Variants in ST8SIA4 observed in about 807,000 individuals in gnomAD.
ST8SIA4 encodes CMP-N-acetylneuraminate-poly-alpha-2,8-sialyltransferase.
In ST8SIA4, 15 loss-of-function variants were observed where a neutral mutation model predicts 33.9. That is an observed-to-expected ratio of 0.44 (90% CI 0.30 to 0.68). ST8SIA4 has a LOEUF of 0.68. ST8SIA4 is among the 30% of genes least tolerant of loss of function. The pLI, the probability that ST8SIA4 is intolerant of heterozygous loss-of-function variation, is 0.10. For missense variants in ST8SIA4, 321 were observed against 428.0 expected (o/e 0.75, Z 2.21); for synonymous variants, 171 against 151.2 (o/e 1.13, Z -0.96).
intron 1 of ST8SIA4, among the ~76,000 whole-genome samples, chr5:100,898,736 G>A (rs1417004259): frequency 1.3e-5 from 2 of 152,140 alleles, no homozygotes; most frequent in Non-Finnish European, 2.9e-5. Flanking sequence ...CCATGAATGC[G>A]AAGCTTGAAG....
intron 1 of ST8SIA4, among the ~76,000 whole-genome samples, chr5:100,900,828 G>A (rs919253317): frequency 1.3e-5 from 2 of 152,280 alleles, no homozygotes; most frequent in African/African-American, 2.4e-5. Context: ...CTGCAATAAA[G>A]GTTTCCCCCT....
In ST8SIA4 at chr5:100,886,423, G is replaced by A. The variant is rs1432678303; in HGVS notation, c.423C>T (p.Thr141=). 1.2e-6 allele frequency: 2 copies of A among 1,613,908 alleles called. No homozygotes were observed. The highest frequency in any genetic ancestry group is 1.7e-6 in the Non-Finnish European group (2 of 1,179,854). The stretch of plus-strand genomic sequence containing the variant: ...TGCCAGAATTTCCAACAACTGCACA[G>A]GTCTTAAACCTGCGATTCTTCATTG... ...VSPMKNRRFK[T]CAVVGNSGIL... The change falls in exon 3 of 5, where the codon ACC becomes ACT. Residue 141 remains threonine (T), a synonymous_variant. Transcript: ENST00000231461.
intron 2 of ST8SIA4, among the ~76,000 whole-genome samples, chr5:100,889,327 T>C (rs1213634346): frequency 6.6e-6 from 1 of 151,942 alleles, no homozygotes; most frequent in Non-Finnish European, 1.5e-5. Context: ...ACGGATGTGG[T>C]TAAATCATCA....
chr5:100,829,288 A>T (rs2561524), intron 4 of ST8SIA4, among the ~76,000 whole-genome samples: 137,725 of 152,222 alleles, frequency 0.9, 62,997 homozygotes, highest in Middle Eastern at 0.98. Context: ...GTTTGATCAC[A>T]AAAGATTCTT....
intron 4 of ST8SIA4, among the ~76,000 whole-genome samples, chr5:100,847,523 A>G (rs1357743478): frequency 6.6e-6 from 1 of 152,082 alleles, no homozygotes; most frequent in Non-Finnish European, 1.5e-5. Context: ...ATGAATTTTT[A>G]CATCTGAAAG....
intron 4 of ST8SIA4, among the ~76,000 whole-genome samples, chr5:100,836,149 G>C (rs1200137466): frequency 6.6e-6 from 1 of 152,094 alleles, no homozygotes; most frequent in South Asian, 2.1e-4. Context: ...ATTAATTAGA[G>C]ATAAGCCTTA....
chr5:100,868,747 C>G (rs1313947933), intron 3 of ST8SIA4, among the ~76,000 whole-genome samples: 1 of 152,056 alleles, frequency 6.6e-6, no homozygotes, highest in Non-Finnish European at 1.5e-5. Context: ...CTCTTTTCCT[C>G]AGACACCCTA....
At chr5:100,876,742 T>A (rs1378459666) in intron 3 of ST8SIA4, among the ~76,000 whole-genome samples, 1 of 152,080 alleles carries the variant, frequency 6.6e-6, no homozygotes, top group Non-Finnish European at 1.5e-5. Context: ...ACTCTTATGA[T>A]TATTTTTCTG....
intron 1 of ST8SIA4, chr5:100,900,417 A>G (rs1752879025): frequency 2.2e-6 from 1 of 456,162 alleles, no homozygotes; most frequent in African/African-American, 2.0e-5. Context: ...AAGACAGTCA[A>G]TGAGATGATT....
chr5:100,822,329 T>G (rs1215698230), intron 4 of ST8SIA4, among the ~76,000 whole-genome samples: 1 of 152,216 alleles, frequency 6.6e-6, no homozygotes, highest in African/African-American at 2.4e-5. Flanking sequence ...TATAAAATGG[T>G]TGCCGAATCA....
rs936832944 is a variant in ST8SIA4 at position 100,885,590 on chromosome 5, T to C, written c.503+753A>G. 7.5e-6 allele frequency: 7 copies of C among 933,876 alleles called. No individual in the cohort carries two copies. In the African/African-American group the frequency reaches 1.2e-4, roughly 17 times the overall value. 57.8% of individuals were successfully genotyped at this position (933,876 alleles called of 1,614,324 possible). A position where few individuals can be genotyped will look rare whatever the true frequency, so the allele number is the denominator to read the frequency against. ...TTTCAATATCCATGTTTCTGTCATT[T>C]AGCTAATTTTTCTAAGGAACTAAAA... On this transcript the variant is annotated intron_variant, in intron 3 of 4. Transcript: ENST00000231461.
At chr5:100,880,490 G>C (rs745388716) in intron 3 of ST8SIA4, among the ~76,000 whole-genome samples, 1 of 152,174 alleles carries the variant, frequency 6.6e-6, no homozygotes, top group Non-Finnish European at 1.5e-5. Flanking sequence ...CAGGGAAAAT[G>C]ACTGGCAGGC....
chr5:100,853,264 TTACA>T (rs1751742217), intron 4 of ST8SIA4, among the ~76,000 whole-genome samples: 1 of 152,218 alleles, frequency 6.6e-6, no homozygotes, highest in Non-Finnish European at 1.5e-5. Context: ...AAACGCTATC[TTACA>T]TACATCAATG....
intron 4 of ST8SIA4, among the ~76,000 whole-genome samples, chr5:100,832,875 A>G (rs1052682974): frequency 3.3e-5 from 5 of 151,884 alleles, no homozygotes; most frequent in Non-Finnish European, 7.4e-5. Context: ...CTACTCTACC[A>G]CCTTCCGTTA....
chr5:100,896,212 C>T (rs1435471144), intron 1 of ST8SIA4, among the ~76,000 whole-genome samples: 1 of 151,974 alleles, frequency 6.6e-6, no homozygotes, highest in Admixed American at 6.6e-5. Context: ...TGTCCATTAA[C>T]AGAGGAATAG....
chr5:100,860,989 T>C (rs1751926727), intron 3 of ST8SIA4, among the ~76,000 whole-genome samples: 1 of 152,164 alleles, frequency 6.6e-6, no homozygotes, highest in Non-Finnish European at 1.5e-5. Flanking sequence ...GATCTCTTGA[T>C]AGACAGGATT....
At chr5:100,833,873 T>C (rs1037175922) in intron 4 of ST8SIA4, among the ~76,000 whole-genome samples, 2 of 152,146 alleles carry the variant, frequency 1.3e-5, no homozygotes. Context: ...CTTGCACTTA[T>C]CGTACGGTAC....
Position 100,807,571 on chromosome 5 carries a change from C to T in ST8SIA4, c.*4276G>A, listed in dbSNP as rs1031147412. ...CTAGCTTGAAGCCTTTACTTTTCTT[C>T]TTTATTATTAAGATTTGGACATACT... is the stretch of plus-strand genomic sequence containing the variant. On this transcript the variant is annotated 3_prime_UTR_variant, in exon 5 of 5. Transcript: ENST00000231461. 1.3e-5 allele frequency: 2 copies of T among 152,564 alleles called. No homozygotes were observed. The highest frequency in any genetic ancestry group is 4.8e-5 in the African/African-American group (2 of 41,546). The allele number at this position is 152,564 out of a possible 1,614,324, so 9.5% of individuals were successfully genotyped here.
Position 100,888,871 on chromosome 5 carries a change from C to T in ST8SIA4, c.246-2271G>A, listed in dbSNP as rs189349111. ...TAATTTTATAAACAAGAAATATGTCCACCAGCTAGTTGAAAAAATAATGTT... is the reference window on the plus strand; with the variant it reads ...TAATTTTATAAACAAGAAATATGTCTACCAGCTAGTTGAAAAAATAATGTT... On this transcript the variant is annotated intron_variant, in intron 2 of 4. Coordinates refer to ENST00000231461, the MANE Select transcript of ST8SIA4 (RefSeq NM_005668.6). Among the ~76,000 whole-genome samples, 554 of 151,822 alleles carry T rather than the reference C, an allele frequency of 3.6e-3. 1 individual carries two copies. Among genetic ancestry groups the T allele is most frequent in the Non-Finnish European group, 4.8e-3 (326 of 67,792 alleles).
Sources: gnomAD v4.1 joint callset for allele counts (sites outside exome capture counted in the v4.1 genomes callset) on GRCh38, gnomAD v4.1.1 for gene constraint, MANE v1.5 for transcripts, NCBI Gene and HGNC (gene_info 2026-07-23, HGNC 2026-07-21) for gene names.